The following DHTKD1 variants were observed in gnomAD, a reference collection of about 807,000 sequenced individuals.
DHTKD1 encodes the protein dehydrogenase E1 and transketolase domain containing 1, also known as 2-oxoadipate dehydrogenase complex component E1.
In DHTKD1, 78 loss-of-function variants were observed where a neutral mutation model predicts 101.8. The ratio of observed to expected loss-of-function variants is 0.77; its 90% CI spans 0.64 to 0.93. DHTKD1 has a LOEUF of 0.93. Ranked by LOEUF, DHTKD1 falls within the 40% of genes least tolerant of loss-of-function variation. The pLI, the probability that DHTKD1 is intolerant of heterozygous loss-of-function variation, is 0.00. For synonymous variants in DHTKD1, 462 were observed against 450.3 expected (o/e 1.03, Z -0.33); for missense variants, 1,223 against 1,161.7 (o/e 1.05, Z -0.77).
chr10:12,097,159 A>G (rs560284617), intron 7 of DHTKD1, among the ~76,000 whole-genome samples: 1 of 152,302 alleles, frequency 6.6e-6, no homozygotes, highest in East Asian at 1.9e-4. Flanking sequence ...TCTTAATGCG[A>G]ACAACTCAGT....
chr10:12,106,427 TG>T (rs755116358), intron 11 of DHTKD1, 31 bp downstream of exon 11: 38 of 1,610,508 alleles, frequency 2.4e-5, no homozygotes, highest in Non-Finnish European at 2.6e-5. Context: ...TGGGTACAGG[TG>T]GGGGTCCCTG....
intron 3 of DHTKD1, among the ~76,000 whole-genome samples, chr10:12,086,959 T>A (rs1832912573): frequency 6.6e-6 from 1 of 152,180 alleles, no homozygotes; most frequent in Non-Finnish European, 1.5e-5. Context: ...AGTGCTGGGA[T>A]TACAGACGTG....
In DHTKD1 at chr10:12,120,944, G is replaced by A. The variant is rs1455477290; in HGVS notation, c.*56G>A. 29 of 1,519,078 alleles carry A rather than the reference G, an allele frequency of 1.9e-5. No homozygotes were observed. The highest frequency in any genetic ancestry group is 2.3e-5 in the Non-Finnish European group (25 of 1,105,042). 94.1% of individuals were successfully genotyped at this position (1,519,078 alleles called of 1,614,324 possible). ...TTAAGAAAATGGCCATTAAGGCCGG[G>A]TGGGGTGGCACATGCCTGTAATCCC... On this transcript the variant is annotated 3_prime_UTR_variant, in exon 17 of 17. Coordinates refer to ENST00000263035, the MANE Select transcript of DHTKD1 (RefSeq NM_018706.7).
intron 1 of DHTKD1, among the ~76,000 whole-genome samples, chr10:12,078,436 A>C (rs894362547): frequency 5.9e-5 from 9 of 151,690 alleles, no homozygotes; most frequent in Non-Finnish European, 8.8e-5. Flanking sequence ...GAAAAAAAAA[A>C]CAAAACCAAC....
intron 7 of DHTKD1, among the ~76,000 whole-genome samples, chr10:12,095,126 C>T (rs1833048356): frequency 6.6e-6 from 1 of 152,150 alleles, no homozygotes; most frequent in Non-Finnish European, 1.5e-5. Context: ...AGCTGCAGAC[C>T]TGCCTGGCAC....
chr10:12,086,335 C>G (rs1832897924), intron 3 of DHTKD1, among the ~76,000 whole-genome samples: 1 of 150,388 alleles, frequency 6.6e-6, no homozygotes, highest in African/African-American at 2.4e-5. Flanking sequence ...ATTCTCCTGC[C>G]TCAGCCTCCC....
chr10:12,100,958 C>T, intron 9 of DHTKD1, 84 bp from the exon 10 acceptor site: 3 of 1,388,576 alleles, frequency 2.2e-6, no homozygotes, highest in Non-Finnish European at 3.0e-6. Context: ...CAGGATTAAG[C>T]CAGTATATAA....
At chr10:12,106,216 G>A (rs1413346565) in intron 10 of DHTKD1, 30 bp from the exon 11 acceptor site, 3 of 1,613,512 alleles carry the variant, frequency 1.9e-6, no homozygotes, top group African/African-American at 1.3e-5. Context: ...GCCCTCACAT[G>A]CAGCGTTTCC....
Position 12,081,554 on chromosome 10 carries a change from A to C in DHTKD1, c.237A>C (p.Gly79=), listed in dbSNP as rs557500018. Residue 79 remains glycine (G), a synonymous_variant, in exon 2 of 17, where the codon GGA becomes GGC. Transcript: ENST00000263035. Reference sequence around the variant, plus strand: ...CCAAAATCAACCCCCTCTTCACCGGACAAGCCCTGCTGGAGAATGTGCCTG... The same window carrying C: ...CCAAAATCAACCCCCTCTTCACCGGCCAAGCCCTGCTGGAGAATGTGCCTG... ...KAAKINPLFT[G]QALLENVPEI... is the part of the protein sequence containing the mutation. The C allele has an allele frequency of 3.7e-6, 6 of 1,614,146 alleles. No individual in the cohort carries two copies. In the African/African-American group the frequency reaches 5.3e-5, roughly 14 times the overall value.
In DHTKD1 at chr10:12,081,547, T is replaced by A; in HGVS notation, c.230T>A (p.Phe77Tyr). The change falls in exon 2 of 17, where the codon TTC becomes TAC. Residue 77 changes from phenylalanine to tyrosine, a missense_variant. Coordinates refer to ENST00000263035, the MANE Select transcript of DHTKD1 (RefSeq NM_018706.7). ...AAAGCTGCCAAAATCAACCCCCTCT[T>A]CACCGGACAAGCCCTGCTGGAGAAT... ...GHKAAKINPL[F>Y]TGQALLENVP... is the part of the protein sequence containing the mutation. 6.2e-7 allele frequency: 1 copy of A among 1,614,122 alleles called. No homozygotes were observed. Among genetic ancestry groups the A allele is most frequent in the Non-Finnish European group, 8.5e-7 (1 of 1,180,018 alleles).
chr10:12,121,152 G>A lies in DHTKD1; in HGVS notation c.*264G>A, dbSNP rs113073877. ...AGAGAATCGCTTGAATCTGGGAGGC[G>A]GAGGTTGCAGTGAGCCAGGATCACA... On this transcript the variant is annotated 3_prime_UTR_variant, in exon 17 of 17. Transcript: ENST00000263035. 100 of 370,568 alleles carry A rather than the reference G, an allele frequency of 2.7e-4. 1 individual carries two copies. The highest frequency in any genetic ancestry group is 1.6e-3 in the African/African-American group (76 of 47,378). 23.0% of individuals were successfully genotyped at this position (370,568 alleles called of 1,614,324 possible).
At chr10:12,091,283 A>G (rs1832985575) in intron 5 of DHTKD1, among the ~76,000 whole-genome samples, 1 of 150,144 alleles carries the variant, frequency 6.7e-6, no homozygotes, top group South Asian at 2.1e-4. Context: ...GTGGTGGTGC[A>G]TGCCTATAAT....
At chr10:12,085,997 G>A (rs572534712) in intron 3 of DHTKD1, among the ~76,000 whole-genome samples, 1 of 152,098 alleles carries the variant, frequency 6.6e-6, no homozygotes, top group Admixed American at 6.6e-5. Context: ...TGTCGCCCAA[G>A]TAGCTGGGAT....
rs1308434139 is a variant in DHTKD1, at chr10:12,103,456, T to C, written c.1896+2275T>C. On this transcript the variant is annotated intron_variant, in intron 10 of 16. Coordinates refer to ENST00000263035, the MANE Select transcript of DHTKD1 (RefSeq NM_018706.7). The surrounding 1 kb of genome is among the most constrained non-coding windows in gnomAD (Gnocchi z 4.8). ...ATGATAAGTGAATAGGTCCTTGGGG[T>C]GTGTTTTTCCCCCAACTTCGTTGTA... is the stretch of plus-strand genomic sequence containing the variant. 6.6e-6 allele frequency among the ~76,000 whole-genome samples: 1 copy of C among 150,960 alleles called. No individual in the cohort carries two copies. The highest frequency in any genetic ancestry group is 1.5e-5 in the Non-Finnish European group (1 of 67,766).
rs1315268549 is a variant in DHTKD1 at position 12,094,074 on chromosome 10, G to A, written c.1161G>A (p.Gly387=). 2 of 1,613,194 alleles carry A rather than the reference G, an allele frequency of 1.2e-6. No homozygotes were observed. Among genetic ancestry groups the A allele is most frequent in the Non-Finnish European group, 1.7e-6 (2 of 1,179,414 alleles). ...TCGGCTTGGTCTTCTGTCCTTCAGG[G>A]AAGCTTGTGGGCTGTGCCATCATCC... The part of the protein sequence containing the change: ...GRSSLYCSDI[G]KLVGCAIIHV... Residue 387 remains glycine, a splice_region_variant and synonymous_variant, in exon 7 of 17, where the codon GGG becomes GGA. Coordinates refer to ENST00000263035, the MANE Select transcript of DHTKD1 (RefSeq NM_018706.7).
intron 7 of DHTKD1, among the ~76,000 whole-genome samples, chr10:12,094,682 G>A (rs1367036987): frequency 6.6e-6 from 1 of 151,922 alleles, no homozygotes; most frequent in Admixed American, 6.6e-5. Flanking sequence ...TTCTGGGCTG[G>A]AGTGCAGGTG....
At chr10:12,099,507 C>T (rs896625916) in intron 8 of DHTKD1, among the ~76,000 whole-genome samples, 3 of 151,966 alleles carry the variant, frequency 2.0e-5, no homozygotes, top group Middle Eastern at 3.2e-3. Flanking sequence ...ACCAACATGG[C>T]GAAACCCCTT....
chr10:12,101,544 C>T (rs1295660938), intron 10 of DHTKD1, among the ~76,000 whole-genome samples: 1 of 152,194 alleles, frequency 6.6e-6, no homozygotes, highest in African/African-American at 2.4e-5. Context: ...ATCGCACATC[C>T]TCAAGGTTAC....
chr10:12,121,280 C>T lies in DHTKD1; in HGVS notation c.*392C>T, dbSNP rs1318293081. On this transcript the variant is annotated 3_prime_UTR_variant, in exon 17 of 17. Coordinates refer to ENST00000263035, the MANE Select transcript of DHTKD1 (RefSeq NM_018706.7). ...TCCTTCCTCCACTCTCTCAACCCCT[C>T]TGTTGGGTAACATGAAAAGACTGTA... The T allele has an allele frequency of 1.0e-5, 2 of 200,636 alleles. No homozygotes were observed. The highest frequency in any genetic ancestry group is 2.2e-4 in the East Asian group (2 of 8,946). The allele number at this position is 200,636 out of a possible 1,614,324, so 12.4% of individuals were successfully genotyped here. A position where few individuals can be genotyped will look rare whatever the true frequency, so the allele number is the denominator to read the frequency against.
Sources: gnomAD v4.1 joint callset for allele counts (sites outside exome capture counted in the v4.1 genomes callset) on GRCh38, gnomAD v4.1.1 for gene constraint, Gnocchi (gnomAD v3.1) non-coding constraint, MANE v1.5 for transcripts, NCBI Gene and HGNC (gene_info 2026-07-23, HGNC 2026-07-21) for gene names.